The following PHF2 variants were observed in gnomAD, a reference collection of about 807,000 sequenced individuals.
The protein encoded by PHF2 is lysine-specific demethylase PHF2.
PHF2 carries 27 observed loss-of-function variants against 120.5 expected under a neutral mutation model. The observed-to-expected ratio is 0.22, with a 90% confidence interval of 0.17 to 0.31. The LOEUF (loss-of-function observed/expected upper bound fraction) is 0.31. Ranked by LOEUF, PHF2 falls within the 10% of genes least tolerant of loss-of-function variation. The probability of loss-of-function intolerance (pLI) is 1.00; values close to 1 mark genes in which losing one functional copy is unlikely to be tolerated. For synonymous variants in PHF2, 568 were observed against 592.5 expected (o/e 0.96, Z 0.60); for missense variants, 1,024 against 1,434.8 (o/e 0.71, Z 4.63).
chr9:93,632,067 G>A (rs1826011111), intron 2 of PHF2, among the ~76,000 whole-genome samples: 1 of 152,126 alleles, frequency 6.6e-6, no homozygotes, highest in African/African-American at 2.4e-5. Context: ...TTTCTCTAAT[G>A]TCCCCAGACA....
At chr9:93,623,315 G>A (rs1349111742) in intron 1 of PHF2, among the ~76,000 whole-genome samples, 1 of 152,208 alleles carries the variant, frequency 6.6e-6, no homozygotes, top group Non-Finnish European at 1.5e-5. Context: ...TCAGCTCCCA[G>A]TTCATCTGGT....
At chr9:93,663,479 GTGT>G (rs1826616281) in intron 13 of PHF2, 35 bp from the exon 14 acceptor site, 2 of 1,300,490 alleles carry the variant, frequency 1.5e-6, no homozygotes, top group Non-Finnish European at 2.2e-6. Context: ...CCCCACTTCT[GTGT>G]GGGGCTCAGG....
chr9:93,675,428 C>T (rs117365704), intron 19 of PHF2, among the ~76,000 whole-genome samples: 2,282 of 152,360 alleles, frequency 0.015, 23 homozygotes, highest in Non-Finnish European at 0.023. Flanking sequence ...TACCCTCACC[C>T]GCCTGCCCAG....
At chr9:93,596,925 ATTTTTTTT>A (rs1158735768) in intron 1 of PHF2, among the ~76,000 whole-genome samples, 161 of 88,508 alleles carry the variant, frequency 1.8e-3, no homozygotes, top group African/African-American at 7.0e-3. Context: ...CGCCCAGCTA[ATTTTTTTT>A]TTTTTTTTTT....
At chr9:93,654,629 A>G in intron 7 of PHF2, 54 bp downstream of exon 7, 1 of 1,545,110 alleles carries the variant, frequency 6.5e-7, no homozygotes. Context: ...GCCCTCATCA[A>G]GCTTACTGCC....
Position 93,656,640 on chromosome 9 carries a change from C to T in PHF2, c.1147+45C>T, listed in dbSNP as rs753166387. The T allele has an allele frequency of 1.5e-6, 2 of 1,374,630 alleles. No individual in the cohort carries two copies. The highest frequency in any genetic ancestry group is 1.4e-5 in the African/African-American group (1 of 70,350). The allele number at this position is 1,374,630 out of a possible 1,614,324, so 85.2% of individuals were successfully genotyped here. A position where few individuals can be genotyped will look rare whatever the true frequency, so the allele number is the denominator to read the frequency against. On this transcript the variant is annotated intron_variant, in intron 9 of 21. Transcript: ENST00000359246. This position sits in a 1 kb window ranked among gnomAD's most constrained non-coding sequence, Gnocchi z 4.1. ...GGGCGTCCAAGCCTGGGGCTCTTGG[C>T]TGTGGGGGCAGCCAGACCTGGTCAG...
rs7029272 is a variant in PHF2 at position 93,644,105 on chromosome 9, G to A, written c.300-1524G>A. On this transcript the variant is annotated intron_variant, in intron 3 of 21. Transcript: ENST00000359246. ...GCCCTGCTTAGAATTCCAGAGGCTCGGCTGGGCGCGGTGGCTCACGCCTGT... is the reference window on the plus strand; with the variant it reads ...GCCCTGCTTAGAATTCCAGAGGCTCAGCTGGGCGCGGTGGCTCACGCCTGT... Among the ~76,000 whole-genome samples, 1,271 of 152,226 alleles carry A rather than the reference G, an allele frequency of 8.3e-3. 20 individuals are homozygous for A. The highest frequency in any genetic ancestry group is 0.029 in the African/African-American group (1,186 of 41,540).
In PHF2 at chr9:93,656,610, G is replaced by A. The variant is rs369147419; in HGVS notation, c.1147+15G>A. Reference sequence around the variant, plus strand: ...GGCATTCAAAGGTACTGGTCACTCCGGGGTGGGCGTCCAAGCCTGGGGCTC... The same window carrying A: ...GGCATTCAAAGGTACTGGTCACTCCAGGGTGGGCGTCCAAGCCTGGGGCTC... On this transcript the variant is annotated intron_variant, in intron 9 of 21. Coordinates refer to ENST00000359246, the MANE Select transcript of PHF2 (RefSeq NM_005392.4). This position sits in a 1 kb window ranked among gnomAD's most constrained non-coding sequence, Gnocchi z 4.1. 2.2e-5 allele frequency: 35 copies of A among 1,579,214 alleles called. No individual in the cohort carries two copies. The highest frequency in any genetic ancestry group is 2.1e-4 in the South Asian group (19 of 90,402).
At chr9:93,590,149 T>C (rs886695941) in intron 1 of PHF2, among the ~76,000 whole-genome samples, 1 of 152,264 alleles carries the variant, frequency 6.6e-6, no homozygotes, top group Non-Finnish European at 1.5e-5. Flanking sequence ...CTGATTTCTC[T>C]ACACACTGGG....
intron 2 of PHF2, among the ~76,000 whole-genome samples, chr9:93,636,191 G>C (rs1826086520): frequency 6.6e-6 from 1 of 152,148 alleles, no homozygotes. Context: ...CATCCATGGT[G>C]AGGTGTGGGA....
intron 1 of PHF2, among the ~76,000 whole-genome samples, chr9:93,615,388 TGATGATGATGAC>T (rs1230832356): frequency 6.9e-6 from 1 of 145,910 alleles, no homozygotes; most frequent in African/African-American, 2.5e-5. Flanking sequence ...ATGGTGACAG[TGATGATGATGAC>T]GATGATGATG....
At chr9:93,648,429 C>A (rs549303006) in intron 4 of PHF2, among the ~76,000 whole-genome samples, 14 of 152,310 alleles carry the variant, frequency 9.2e-5, no homozygotes, top group Non-Finnish European at 1.8e-4. Flanking sequence ...CCAGTGGCCC[C>A]GGCATCCACC....
intron 1 of PHF2, among the ~76,000 whole-genome samples, chr9:93,603,118 C>T (rs1825475310): frequency 6.6e-6 from 1 of 152,184 alleles, no homozygotes; most frequent in Non-Finnish European, 1.5e-5. Flanking sequence ...TGGATGATCA[C>T]GTTCATGCCA....
chr9:93,590,920 C>T (rs1023468928), intron 1 of PHF2, among the ~76,000 whole-genome samples: 1 of 152,226 alleles, frequency 6.6e-6, no homozygotes, highest in Admixed American at 6.5e-5. Context: ...GATTTGTGTT[C>T]CTTTGAGGGG....
chr9:93,654,575 G>A lies in PHF2; in HGVS notation c.952G>A (p.Gly318Ser), dbSNP rs751370378. ...KQGQTLFIPS[G>S]WIYATLTPVD... is the part of the protein sequence containing the mutation. The stretch of plus-strand genomic sequence containing the variant: ...GGGCCAGACCCTCTTCATCCCCTCA[G>A]GTGAGTGCGGGCAGCTTTGGGGACC... The change falls in exon 7 of 22, where the codon GGC becomes AGC. Residue 318 changes from glycine (G) to serine (S), a missense_variant and splice_region_variant. Gly to Ser is a moderately conservative substitution (Grantham distance 56). This residue lies in a region of PHF2 where 347 missense variants were observed against 577.4 expected (regional missense o/e 0.60). Coordinates refer to ENST00000359246, the MANE Select transcript of PHF2 (RefSeq NM_005392.4). 47 of 1,612,678 alleles carry A rather than the reference G, an allele frequency of 2.9e-5. No homozygotes were observed. The highest frequency in any genetic ancestry group is 4.0e-5 in the Non-Finnish European group (47 of 1,179,434).
Position 93,636,215 on chromosome 9 carries a change from G to A in PHF2, c.185-196G>A, listed in dbSNP as rs960381436. Among the ~76,000 whole-genome samples, 8 of 152,238 alleles carry A rather than the reference G, an allele frequency of 5.3e-5. No individual in the cohort carries two copies. The East Asian group carries it at 7.7e-4, about 15-fold the overall frequency. ...TGAGGTGTGGGATGGGAGAGGACACGAGGTCGAGGTAGGGGGTTGACTCCT... is the reference window on the plus strand; with the variant it reads ...TGAGGTGTGGGATGGGAGAGGACACAAGGTCGAGGTAGGGGGTTGACTCCT... On this transcript the variant is annotated intron_variant, in intron 2 of 21. Transcript: ENST00000359246.
chr9:93,650,430 A>G (rs1826348975), intron 5 of PHF2, among the ~76,000 whole-genome samples: 1 of 152,164 alleles, frequency 6.6e-6, no homozygotes, highest in African/African-American at 2.4e-5. Context: ...ACCCGTGTAG[A>G]CGCCTACACT....
At chr9:93,674,895 GCGGGCCA>G in intron 18 of PHF2, 25 bp from the exon 19 acceptor site, 1 of 1,546,188 alleles carries the variant, frequency 6.5e-7, no homozygotes, top group Non-Finnish European at 8.9e-7. Flanking sequence ...CCTGCACTCA[GCGGGCCA>G]CGCCTTCCCT....
At chr9:93,599,815 A>T (rs1161574380) in intron 1 of PHF2, among the ~76,000 whole-genome samples, 2 of 152,234 alleles carry the variant, frequency 1.3e-5, no homozygotes, top group Non-Finnish European at 2.9e-5. Context: ...CATGATGCCC[A>T]GCCACGCTCC....
Sources: allele counts gnomAD v4.1 joint callset (sites outside exome capture counted in the v4.1 genomes callset), GRCh38; gene constraint gnomAD v4.1.1; regional missense constraint gnomAD v4.1.1; non-coding constraint Gnocchi (gnomAD v3.1); transcripts MANE v1.5; gene names NCBI Gene and HGNC (gene_info 2026-07-23, HGNC 2026-07-21).